Variants in TDRD12 observed in about 807,000 individuals in gnomAD.
TDRD12 encodes putative ATP-dependent RNA helicase TDRD12.
Under a neutral mutation model 133.5 loss-of-function variants are expected in TDRD12, and 158 were observed. The ratio of observed to expected loss-of-function variants is 1.18; its 90% CI spans 1.04 to 1.35. TDRD12 has a LOEUF of 1.35. Among genes scored for constraint, TDRD12 ranks in the 40% most tolerant of loss-of-function variants. The pLI is 0.00. For synonymous variants in TDRD12, 460 were observed against 477.9 expected (o/e 0.96, Z 0.49); for missense variants, 1,443 against 1,321.3 (o/e 1.09, Z -1.43).
chr19:32,797,692 C>G (rs1412340142), intron 14 of TDRD12, 43 bp from the exon 15 acceptor site: 1 of 607,522 alleles, frequency 1.6e-6, no homozygotes, highest in Non-Finnish European at 2.9e-6. Context: ...TGCTGAATTC[C>G]TAACTACTGT....
chr19:32,765,166 A>G (rs1022882636), intron 8 of TDRD12, among the ~76,000 whole-genome samples: 2 of 152,242 alleles, frequency 1.3e-5, no homozygotes, highest in Admixed American at 1.3e-4. Flanking sequence ...CATCAGAGAA[A>G]TGCAAATCAA....
At chr19:32,792,618 AT>A (rs1282225308) in intron 13 of TDRD12, among the ~76,000 whole-genome samples, 10 of 152,278 alleles carry the variant, frequency 6.6e-5, no homozygotes, top group African/African-American at 2.2e-4. Context: ...GAAAAATGGG[AT>A]TTCTAGGAAG....
intron 14 of TDRD12, 101 bp downstream of exon 14, chr19:32,794,914 G>A: frequency 1.6e-6 from 1 of 620,184 alleles, no homozygotes; most frequent in Non-Finnish European, 2.9e-6. Context: ...ACTCAGTTTG[G>A]TTTTCAAACT....
rs767630780 is a variant in TDRD12 at position 32,726,083 on chromosome 19, A to AT, written c.25-5627dup. On this transcript the variant is annotated intron_variant, in intron 1 of 27. Coordinates refer to ENST00000444215, the Ensembl canonical transcript of TDRD12. ...GTTCATGGTATTAAATACATTCATAATTTTTTTTTTTTTTTGAGACGGAGT... is the reference window on the plus strand; with the variant it reads ...GTTCATGGTATTAAATACATTCATAATTTTTTTTTTTTTTTTGAGACGGAGT... Among the ~76,000 whole-genome samples, 997 of 144,492 alleles carry AT rather than the reference A, an allele frequency of 6.9e-3. 4 individuals are homozygous for AT. Among genetic ancestry groups the AT allele is most frequent in the African/African-American group, 0.012 (494 of 39,640 alleles). 94.8% of individuals were successfully genotyped at this position (144,492 alleles called of 152,430 possible).
chr19:32,746,259 TGAGA>T (rs556294047), intron 4 of TDRD12, among the ~76,000 whole-genome samples: 15 of 139,284 alleles, frequency 1.1e-4, no homozygotes, highest in African/African-American at 3.5e-4. Flanking sequence ...TCTGTGTGTG[TGAGA>T]GAGAGAGAGT....
At chr19:32,742,126 C>G (rs969495837) in intron 3 of TDRD12, among the ~76,000 whole-genome samples, 34 of 151,162 alleles carry the variant, frequency 2.2e-4, no homozygotes, top group African/African-American at 8.3e-4. Context: ...TCATTAGTAT[C>G]CAGTATTTGT....
At chr19:32,788,304 G>T (rs1221560410) in intron 11 of TDRD12, among the ~76,000 whole-genome samples, 1 of 151,608 alleles carries the variant, frequency 6.6e-6, no homozygotes, top group Non-Finnish European at 1.5e-5. Context: ...TAGAGACAGG[G>T]TTTCACTATA....
Position 32,826,593 on chromosome 19 carries a change from CAG to C in TDRD12, c.1047_1048del (p.Arg350ValfsTer35). ...GGAGGCATGGTGTCACCTACTCAGA[CAG>C]AGGGTGAGTTGGGATGCACTCAGCG... On this transcript the variant is annotated frameshift_variant, in exon 9 of 10. Coordinates refer to the TDRD12 transcript ENST00000637289. LOFTEE classifies it high-confidence loss of function. The C allele has an allele frequency of 3.2e-6, 4 of 1,237,984 alleles. No individual in the cohort carries two copies. Among genetic ancestry groups the C allele is most frequent in the Non-Finnish European group, 3.0e-6 (3 of 991,466 alleles). 76.7% of individuals were successfully genotyped at this position (1,237,984 alleles called of 1,614,324 possible).
chr19:32,775,055 GTTCT>G (rs1411452655), intron 10 of TDRD12, among the ~76,000 whole-genome samples: 1 of 151,164 alleles, frequency 6.6e-6, no homozygotes, highest in African/African-American at 2.4e-5. Flanking sequence ...GTTCATTAAT[GTTCT>G]TTGTTTGTAG....
chr19:32,720,012 ACCC>A (rs1968569571), exon 1 of TDRD12: 1 of 1,538,028 alleles, frequency 6.5e-7, no homozygotes, highest in African/African-American at 1.4e-5. Flanking sequence ...AGCCAGCCTC[ACCC>A]GCGACGGTAG....
chr19:32,756,079 C>T (rs1268250647), exon 7 of TDRD12: 1 of 1,482,276 alleles, frequency 6.7e-7, no homozygotes, highest in Non-Finnish European at 8.9e-7. Flanking sequence ...TTTAGAAAAA[C>T]CAAGATTGAA....
exon 12 of TDRD12, chr19:32,790,553 G>A (rs1971038991): frequency 6.4e-7 from 1 of 1,551,746 alleles, no homozygotes; most frequent in African/African-American, 1.4e-5. Flanking sequence ...TTTAAATCCT[G>A]ATCCTTTGAG....
intron 22 of TDRD12, 117 bp from the exon 23 acceptor site, chr19:32,809,976 C>A: frequency 1.7e-6 from 1 of 585,078 alleles, no homozygotes; most frequent in Non-Finnish European, 2.6e-6. Flanking sequence ...TCTAAATCCA[C>A]GTTGCTAAGC....
chr19:32,807,087 C>T (rs56934584), intron 21 of TDRD12, among the ~76,000 whole-genome samples: 1 of 151,846 alleles, frequency 6.6e-6, no homozygotes, highest in African/African-American at 2.4e-5. Context: ...CAATGTATTT[C>T]TAATTCAGTC....
chr19:32,720,176 C>T, intron 1 of TDRD12, 80 bp downstream of exon 1: 1 of 1,481,532 alleles, frequency 6.7e-7, no homozygotes, highest in Non-Finnish European at 9.0e-7. Context: ...CCTCCCACCC[C>T]CACCCCAGCT....
intron 11 of TDRD12, 37 bp from the exon 12 acceptor site, chr19:32,790,494 C>T (rs796858168): frequency 2.0e-6 from 3 of 1,537,244 alleles, no homozygotes; most frequent in South Asian, 2.4e-5. Context: ...GAAACAAACA[C>T]CTTTTTCTTC....
chr19:32,724,537 C>T (rs747452987), intron 1 of TDRD12, among the ~76,000 whole-genome samples: 10 of 152,154 alleles, frequency 6.6e-5, no homozygotes, highest in Non-Finnish European at 1.3e-4. Context: ...ATCCATGTCC[C>T]TGCAAAGGAT....
At chr19:32,808,610 G>GT (rs1339438997) in intron 22 of TDRD12, among the ~76,000 whole-genome samples, 2 of 152,166 alleles carry the variant, frequency 1.3e-5, no homozygotes. Context: ...CAAAGACCCT[G>GT]TTTTCAAGTC....
intron 1 of TDRD12, among the ~76,000 whole-genome samples, chr19:32,729,110 A>T (rs990526327): frequency 4.7e-5 from 7 of 149,048 alleles, no homozygotes; most frequent in African/African-American, 1.2e-4. Flanking sequence ...TCTCATCTTT[A>T]AGTTCTGTAT....
Sources: gnomAD v4.1 joint callset for allele counts (sites outside exome capture counted in the v4.1 genomes callset) on GRCh38, gnomAD v4.1.1 for gene constraint, MANE v1.5 for transcripts, NCBI Gene and HGNC (gene_info 2026-07-23, HGNC 2026-07-21) for gene names.